YWHAZ: variants seen among roughly 807,000 people sequenced by gnomAD.
YWHAZ encodes 14-3-3 protein zeta/delta.
For synonymous variants in YWHAZ, 87 were observed against 103.6 expected, an observed-to-expected ratio of 0.84 and a Z score of 0.97; for missense variants, 79 against 284.8, an observed-to-expected ratio of 0.28 and a Z score of 5.20.
Position 100,948,614 on chromosome 8 carries a change from A to G in YWHAZ, c.276T>C (p.Asp92=). The part of the protein sequence containing the change: ...YREKIETELR[D]ICNDVLSLLE... ...TTCTCACCAGTACATCATTGCAGAT[A>G]TCTCTTAGCTCCGTCTCAATTTTCT... Residue 92 remains aspartate, a synonymous_variant, in exon 2 of 6, where the codon GAT becomes GAC. Transcript: ENST00000395958. This position sits in a 1 kb window ranked among gnomAD's most constrained non-coding sequence, Gnocchi z 4.2. 2 of 1,611,372 alleles carry G rather than the reference A, an allele frequency of 1.2e-6. No homozygotes were observed. Among genetic ancestry groups the G allele is most frequent in the Non-Finnish European group, 1.7e-6 (2 of 1,179,824 alleles).
chr8:100,951,052 C>G (rs144761381), intron 1 of YWHAZ: 2 of 572,630 alleles, frequency 3.5e-6, no homozygotes, highest in South Asian at 1.5e-4. Context: ...ACACCTCCCC[C>G]GCCCGTTCAC....
intron 2 of YWHAZ, among the ~76,000 whole-genome samples, chr8:100,925,996 A>G (rs565066650): frequency 6.6e-6 from 1 of 152,324 alleles, no homozygotes; most frequent in East Asian, 1.9e-4. Flanking sequence ...GTACACTCTG[A>G]GAATCAAGGT....
intron 2 of YWHAZ, among the ~76,000 whole-genome samples, chr8:100,942,524 A>G (rs1402481080): frequency 6.6e-6 from 1 of 152,226 alleles, no homozygotes; most frequent in African/African-American, 2.4e-5. Context: ...TCTAAATATC[A>G]AAGCATATAC....
At chr8:100,921,281 G>A (rs954821086) in intron 5 of YWHAZ, among the ~76,000 whole-genome samples, 11 of 152,040 alleles carry the variant, frequency 7.2e-5, no homozygotes, top group South Asian at 2.1e-4. Flanking sequence ...CACCCACCTC[G>A]GCCTCCCAAA....
intron 2 of YWHAZ, among the ~76,000 whole-genome samples, chr8:100,933,318 C>T (rs1047114367): frequency 6.6e-6 from 1 of 150,998 alleles, no homozygotes; most frequent in African/African-American, 2.4e-5. Context: ...GAGATTGTGC[C>T]ACTGCACTCC....
intron 2 of YWHAZ, among the ~76,000 whole-genome samples, chr8:100,928,243 G>A (rs927843389): frequency 3.3e-5 from 5 of 151,934 alleles, no homozygotes; most frequent in Admixed American, 1.3e-4. Context: ...TAGTGCCACT[G>A]CACTCCAGCC....
In YWHAZ at chr8:100,948,458, G is replaced by T; in HGVS notation, c.294+138C>A. On this transcript the variant is annotated intron_variant, in intron 2 of 5. Coordinates refer to ENST00000395958, the MANE Select transcript of YWHAZ (RefSeq NM_145690.3). The surrounding 1 kb of genome is among the most constrained non-coding windows in gnomAD (Gnocchi z 4.2). ...ATTGTCTTAACATCTTTTTAGTCAT[G>T]ACACCATGAAGACTTTTAAATTTGG... 1.1e-6 allele frequency: 1 copy of T among 950,916 alleles called. No homozygotes were observed. The highest frequency in any genetic ancestry group is 1.6e-6 in the Non-Finnish European group (1 of 638,424). 58.9% of individuals were successfully genotyped at this position (950,916 alleles called of 1,614,324 possible). A position where few individuals can be genotyped will look rare whatever the true frequency, so the allele number is the denominator to read the frequency against.
chr8:100,944,065 T>C (rs1810088117), intron 2 of YWHAZ, among the ~76,000 whole-genome samples: 1 of 151,564 alleles, frequency 6.6e-6, no homozygotes, highest in Non-Finnish European at 1.5e-5. Context: ...AGAACTGGGA[T>C]TATTTATACT....
upstream of YWHAZ, chr8:100,952,431 T>C (rs950788905): frequency 1.9e-4 from 29 of 154,410 alleles, no homozygotes; most frequent in Non-Finnish European, 2.7e-4. Context: ...CGGCCCACTC[T>C]TCCTCTCAGC....
chr8:100,950,644 C>G (rs1810660369), intron 1 of YWHAZ: 2 of 974,792 alleles, frequency 2.1e-6, no homozygotes, highest in Non-Finnish European at 2.4e-6. Context: ...AGCCCGCGCC[C>G]CCGCCCAAGC....
intron 1 of YWHAZ, among the ~76,000 whole-genome samples, chr8:100,949,346 C>G (rs561585048): frequency 2.0e-4 from 30 of 152,202 alleles, no homozygotes; most frequent in African/African-American, 6.7e-4. Flanking sequence ...AATCATAATT[C>G]ATATCAGTTT....
chr8:100,951,244 G>A lies in YWHAZ; in HGVS notation c.-12+685C>T, dbSNP rs571287220. The A allele has an allele frequency of 1.6e-4, 156 of 984,902 alleles. 2 individuals carry two copies. In the South Asian group the frequency reaches 5.1e-3, roughly 32 times the overall value. The allele number at this position is 984,902 out of a possible 1,614,324, so 61.0% of individuals were successfully genotyped here. A position where few individuals can be genotyped will look rare whatever the true frequency, so the allele number is the denominator to read the frequency against. On this transcript the variant is annotated intron_variant, in intron 1 of 5. Coordinates refer to ENST00000395958, the MANE Select transcript of YWHAZ (RefSeq NM_145690.3). ...CCTCGCCCCGGTCTACCTGGCGGGC[G>A]CCGCCGCGCCAGGCCTGGGCTCCGG...
intron 1 of YWHAZ, chr8:100,951,682 G>GA (rs1810799023): frequency 5.9e-5 from 58 of 985,372 alleles, no homozygotes; most frequent in Non-Finnish European, 6.9e-5. Context: ...CAGGACGGGG[G>GA]AGCGAGCACC....
rs1354029520 is a variant in YWHAZ, at chr8:100,922,165, A to G, written c.679-1413T>C. Among the ~76,000 whole-genome samples, 2 of 152,232 alleles carry G rather than the reference A, an allele frequency of 1.3e-5. No homozygotes were observed. Among genetic ancestry groups the G allele is most frequent in the Non-Finnish European group, 2.9e-5 (2 of 68,042 alleles). ...TTTCAAGGATTCTTGAATTTTCTGT[A>G]TAAACATGCAAATTTGATACAAAAT... On this transcript the variant is annotated intron_variant, in intron 5 of 5. Coordinates refer to ENST00000395958, the MANE Select transcript of YWHAZ (RefSeq NM_145690.3). This position sits in a 1 kb window ranked among gnomAD's most constrained non-coding sequence, Gnocchi z 4.1.
intron 2 of YWHAZ, among the ~76,000 whole-genome samples, chr8:100,941,594 G>A (rs568285806): frequency 4.5e-4 from 69 of 152,208 alleles, no homozygotes; most frequent in African/African-American, 1.3e-3. Flanking sequence ...AGACCAGCCC[G>A]GCCAACATGG....
At chr8:100,951,482 C>T (rs963193358) in intron 1 of YWHAZ, 61 of 985,998 alleles carry the variant, frequency 6.2e-5, no homozygotes, top group Admixed American at 2.5e-4. Context: ...CCCGCCGCCG[C>T]CGCCGCCGAG....
upstream of YWHAZ, chr8:100,953,352 G>A (rs1810931781): frequency 1.0e-6 from 1 of 985,678 alleles, no homozygotes; most frequent in Non-Finnish European, 1.2e-6. Flanking sequence ...CACAGGCCGG[G>A]TGATGAGCCG....
chr8:100,950,666 G>C lies in YWHAZ; in HGVS notation c.-12+1263C>G, dbSNP rs551022421. 3.9e-3 allele frequency: 3,470 copies of C among 890,848 alleles called. 63 individuals carry two copies. Among genetic ancestry groups the C allele is most frequent in the Non-Finnish European group, 4.3e-3 (3,166 of 744,174 alleles). 55.2% of individuals were successfully genotyped at this position (890,848 alleles called of 1,614,324 possible). ...GCCCCCGCCCAAGCCGTGGGGGGGG[G>C]GGAGAGATGGGGAGCGAAGCCGCCC... On this transcript the variant is annotated intron_variant, in intron 1 of 5. Coordinates refer to ENST00000395958, the MANE Select transcript of YWHAZ (RefSeq NM_145690.3).
In YWHAZ at chr8:100,918,402, A is replaced by C. The variant is rs1167378305; in HGVS notation, c.*2291T>G. On this transcript the variant is annotated 3_prime_UTR_variant, in exon 6 of 6. Coordinates refer to ENST00000395958, the MANE Select transcript of YWHAZ (RefSeq NM_145690.3). ...CTCTTCAGTCTAGCTATAAAATATA[A>C]TTACTTTATATATATATATATATAT... 1.1e-5 allele frequency: 1 copy of C among 93,598 alleles called. No homozygotes were observed. Among genetic ancestry groups the C allele is most frequent in the East Asian group, 3.5e-4 (1 of 2,868 alleles). 5.8% of individuals were successfully genotyped at this position (93,598 alleles called of 1,614,324 possible).
Sources: allele counts gnomAD v4.1 joint callset (sites outside exome capture counted in the v4.1 genomes callset), GRCh38; gene constraint gnomAD v4.1.1; non-coding constraint Gnocchi (gnomAD v3.1); transcripts MANE v1.5; gene names NCBI Gene and HGNC (gene_info 2026-07-23, HGNC 2026-07-21).